PIEZO2: variants seen among roughly 807,000 people sequenced by gnomAD.
The protein encoded by PIEZO2 is piezo type mechanosensitive ion channel component 2.
A neutral mutation model predicts 337.3 loss-of-function variants in PIEZO2; 172 were observed. That is an observed-to-expected ratio of 0.51 (90% confidence interval 0.45 to 0.58). The LOEUF is 0.58. Ranked by LOEUF, PIEZO2 falls within the 20% of genes least tolerant of loss-of-function variation. The pLI is 0.00. For missense variants in PIEZO2, 3,028 were observed against 3,391.3 expected (o/e 0.89, Z 2.66); for synonymous variants, 1,251 against 1,228.5 (o/e 1.02, Z -0.38).
chr18:10,910,235 T>C (rs923231507), intron 4 of PIEZO2, among the ~76,000 whole-genome samples: 2 of 152,206 alleles, frequency 1.3e-5, no homozygotes, highest in South Asian at 2.1e-4. Flanking sequence ...TAAATGCCAC[T>C]GGTAGAAAGC....
intron 16 of PIEZO2, among the ~76,000 whole-genome samples, chr18:10,785,962 C>A (rs1020259641): frequency 6.6e-6 from 1 of 152,000 alleles, no homozygotes; most frequent in Non-Finnish European, 1.5e-5. Flanking sequence ...TGTCCACTCA[C>A]CCCCTGTCTT....
At chr18:11,141,365 C>T (rs942842733) in intron 1 of PIEZO2, among the ~76,000 whole-genome samples, 5 of 152,086 alleles carry the variant, frequency 3.3e-5, no homozygotes, top group Non-Finnish European at 7.4e-5. Flanking sequence ...AGAAAAGCCC[C>T]AACTATGCTT....
chr18:11,056,555 TG>T (rs1027878901), intron 2 of PIEZO2, among the ~76,000 whole-genome samples: 1 of 152,196 alleles, frequency 6.6e-6, no homozygotes, highest in Non-Finnish European at 1.5e-5. Context: ...CTAAGCATTT[TG>T]AAAAGAGAAC....
Position 10,791,238 on chromosome 18 carries a change from C to T in PIEZO2, c.1845G>A (p.Ser615=), listed in dbSNP as rs1441945015. ...TTTCCTGACTGCCAATTTTGACTTCCGATAAAAGAGCTTCCTTTTCTTGCA... is the reference window on the plus strand; with the variant it reads ...TTTCCTGACTGCCAATTTTGACTTCTGATAAAAGAGCTTCCTTTTCTTGCA... ...KALQEKEALL[S]EVKIGSQENE... Residue 615 remains serine (S), a synonymous_variant, in exon 14 of 56, where the codon TCG becomes TCA. Transcript: ENST00000674853. The T allele has an allele frequency of 3.3e-6, 5 of 1,535,836 alleles. No individual in the cohort carries two copies. In the African/African-American group the frequency reaches 6.9e-5, roughly 21 times the overall value.
At chr18:10,921,875 A>G (rs2031436613) in intron 3 of PIEZO2, among the ~76,000 whole-genome samples, 3 of 152,042 alleles carry the variant, frequency 2.0e-5, no homozygotes, top group African/African-American at 2.4e-5. Context: ...GACTGTAGGG[A>G]TGAAATAAAC....
chr18:11,019,090 C>G (rs1309094194), intron 2 of PIEZO2, among the ~76,000 whole-genome samples: 1 of 152,098 alleles, frequency 6.6e-6, no homozygotes, highest in Non-Finnish European at 1.5e-5. Flanking sequence ...AACTTACATC[C>G]AATCCAGCCC....
chr18:10,945,324 T>A lies in PIEZO2; in HGVS notation c.287-34096A>T, dbSNP rs979723810. ...CTTCCCAAAGTGCTGGGATTACAGA[T>A]GTGAGCCACTGCACCTGGCTGAAAC... On this transcript the variant is annotated intron_variant, in intron 3 of 55. Transcript: ENST00000674853. This position sits in a 1 kb window ranked among gnomAD's most constrained non-coding sequence, Gnocchi z 4.0. Among the ~76,000 whole-genome samples the A allele has an allele frequency of 6.6e-6, 1 of 152,110 alleles. No homozygotes were observed. The highest frequency in any genetic ancestry group is 1.5e-5 in the Non-Finnish European group (1 of 68,016).
rs2034581039 is a variant in PIEZO2 at position 10,979,470 on chromosome 18, C to T, written c.286+65G>A. On this transcript the variant is annotated intron_variant, in intron 3 of 55. Transcript: ENST00000674853. The surrounding 1 kb of genome is among the most constrained non-coding windows in gnomAD (Gnocchi z 4.0). ...TTTCTATGTGTGCGATGACACACAGCTTTATTATGCACGTATATAAAAGAA... is the reference window on the plus strand; with the variant it reads ...TTTCTATGTGTGCGATGACACACAGTTTTATTATGCACGTATATAAAAGAA... The T allele has an allele frequency of 3.0e-6, 4 of 1,333,688 alleles. No homozygotes were observed. Among genetic ancestry groups the T allele is most frequent in the African/African-American group, 2.9e-5 (2 of 68,328 alleles). The allele number at this position is 1,333,688 out of a possible 1,614,324, so 82.6% of individuals were successfully genotyped here.
intron 1 of PIEZO2, among the ~76,000 whole-genome samples, chr18:11,074,048 G>C (rs1404940369): frequency 6.6e-6 from 1 of 151,960 alleles, no homozygotes; most frequent in Non-Finnish European, 1.5e-5. Context: ...GGGTTTCACT[G>C]TATTAGCCAG....
intron 8 of PIEZO2, among the ~76,000 whole-genome samples, chr18:10,806,558 A>G (rs1474559719): frequency 6.6e-6 from 1 of 152,108 alleles, no homozygotes; most frequent in Non-Finnish European, 1.5e-5. Flanking sequence ...AACAGGCACC[A>G]CCAAGAGCTG....
Position 10,824,243 on chromosome 18 carries a change from T to A in PIEZO2, c.918-16969A>T, listed in dbSNP as rs551060399. ...ATTTACGAGAGTAGCAAGAGACAAG[T>A]CTCCATAGTCTGTGGGAAAAAATGT... On this transcript the variant is annotated intron_variant, in intron 7 of 55. Coordinates refer to ENST00000674853, the MANE Select transcript of PIEZO2 (RefSeq NM_001378183.1). The surrounding 1 kb of genome is among the most constrained non-coding windows in gnomAD (Gnocchi z 4.4). Among the ~76,000 whole-genome samples, 1 of 152,182 alleles carries A rather than the reference T, an allele frequency of 6.6e-6. No homozygotes were observed. Among genetic ancestry groups the A allele is most frequent in the Admixed American group, 6.5e-5 (1 of 15,268 alleles).
rs1598731674 is a variant in PIEZO2, at chr18:10,945,640, T to C, written c.286+33895A>G. On this transcript the variant is annotated intron_variant, in intron 3 of 55. Transcript: ENST00000674853. This position sits in a 1 kb window ranked among gnomAD's most constrained non-coding sequence, Gnocchi z 4.0. ...CAAGGTAAAATTCACAAGCTAGGTA[T>C]CCAATAAAAAATGACCACATATATA... Among the ~76,000 whole-genome samples, 1 of 152,138 alleles carries C rather than the reference T, an allele frequency of 6.6e-6. No individual in the cohort carries two copies. Among genetic ancestry groups the C allele is most frequent in the East Asian group, 1.9e-4 (1 of 5,178 alleles).
chr18:11,066,782 T>C (rs530331446), intron 1 of PIEZO2, among the ~76,000 whole-genome samples: 1 of 152,334 alleles, frequency 6.6e-6, no homozygotes, highest in East Asian at 1.9e-4. Flanking sequence ...ATATTTTTAG[T>C]AGAGACGGGG....
Position 10,857,088 on chromosome 18 carries a change from A to C in PIEZO2, c.616T>G (p.Ser206Ala), listed in dbSNP as rs549093721. ...TKLKMFRRLA[S>A]VASKLKEFIG... is the part of the protein sequence containing the mutation. The stretch of plus-strand genomic sequence containing the variant: ...AACTCCTTGAGCTTAGAGGCCACAG[A>C]GGCAAGCCTGCGGAACATTTTTAAC... The change falls in exon 6 of 56, where the codon TCT (serine) becomes GCT (alanine). Residue 206 changes from serine to alanine, a missense_variant. Ser to Ala is a moderately conservative substitution (Grantham distance 99). This residue lies in a region of PIEZO2 where 542 missense variants were observed against 605.6 expected (regional missense o/e 0.89). Transcript: ENST00000674853. The C allele has an allele frequency of 6.5e-7, 1 of 1,537,562 alleles. No homozygotes were observed. Among genetic ancestry groups the C allele is most frequent in the Admixed American group, 2.0e-5 (1 of 51,012 alleles).
At chr18:10,764,908 G>A (rs968894638) in intron 21 of PIEZO2, among the ~76,000 whole-genome samples, 13 of 152,302 alleles carry the variant, frequency 8.5e-5, no homozygotes, top group South Asian at 4.1e-4. Context: ...CAAGTGTCTC[G>A]TCAATTTGGA....
chr18:10,683,688 T>C lies in PIEZO2; in HGVS notation c.7498-1396A>G, dbSNP rs1003579341. Among the ~76,000 whole-genome samples, 4 of 152,210 alleles carry C rather than the reference T, an allele frequency of 2.6e-5. No individual in the cohort carries two copies. In the East Asian group the frequency reaches 5.8e-4, roughly 22 times the overall value. Reference sequence around the variant, plus strand: ...ACACATAGATATGCAAACAAGTGTATAGATTTGCTCTTTCATTATTTTCTC... The same window carrying C: ...ACACATAGATATGCAAACAAGTGTACAGATTTGCTCTTTCATTATTTTCTC... On this transcript the variant is annotated intron_variant, in intron 49 of 55. Transcript: ENST00000674853.
intron 3 of PIEZO2, among the ~76,000 whole-genome samples, chr18:10,978,516 G>C (rs1482515886): frequency 6.6e-6 from 1 of 152,092 alleles, no homozygotes; most frequent in Non-Finnish European, 1.5e-5. Context: ...CAATAAAATG[G>C]CTGGATTGAA....
intron 2 of PIEZO2, among the ~76,000 whole-genome samples, chr18:11,051,366 T>TGTGTGTGTGTGTGG (rs1210916528): frequency 8.7e-5 from 13 of 150,112 alleles, no homozygotes; most frequent in East Asian, 3.9e-4. Context: ...TGTGTGTGTG[T>TGTGTGTGTGTGTGG]GTGGGTGTGG....
At chr18:10,839,680 C>A (rs2041131313) in intron 7 of PIEZO2, among the ~76,000 whole-genome samples, 1 of 152,212 alleles carries the variant, frequency 6.6e-6, no homozygotes, top group Non-Finnish European at 1.5e-5. Flanking sequence ...AAGAGAAGAT[C>A]TCAACCCCAG....
Sources: gnomAD v4.1 joint callset for allele counts (sites outside exome capture counted in the v4.1 genomes callset) on GRCh38, gnomAD v4.1.1 for gene constraint, gnomAD v4.1.1 regional missense constraint, Gnocchi (gnomAD v3.1) non-coding constraint, MANE v1.5 for transcripts, NCBI Gene and HGNC (gene_info 2026-07-23, HGNC 2026-07-21) for gene names.